The following ZAN variants were observed in gnomAD, a reference collection of about 807,000 sequenced individuals.
ZAN encodes zonadhesin (gene/pseudogene).
ZAN carries 260 observed loss-of-function variants against 286.2 expected under a neutral mutation model. The observed-to-expected ratio is 0.91, with a 90% CI of 0.82 to 1.01. ZAN has a LOEUF of 1.01. ZAN is among the 50% of genes least tolerant of loss of function. The pLI, the probability that ZAN is intolerant of heterozygous loss-of-function variation, is 0.00. For missense variants in ZAN, 3,410 were observed against 3,639.2 expected (o/e 0.94, Z 1.62); for synonymous variants, 1,368 against 1,417.5 (o/e 0.97, Z 0.79).
chr7:100,767,771 C>G (rs1810093448), intron 25 of ZAN, 60 bp from the exon 26 acceptor site: 1 of 1,556,042 alleles, frequency 6.4e-7, no homozygotes, highest in Non-Finnish European at 8.7e-7. Context: ...AGCCCCCGTC[C>G]TTGCCTTTAT....
At chr7:100,739,290 G>A (rs994361574) in intron 7 of ZAN, among the ~76,000 whole-genome samples, 1 of 136,662 alleles carries the variant, frequency 7.3e-6, no homozygotes, top group African/African-American at 2.7e-5. Flanking sequence ...GGATTACAGC[G>A]TGAGCCATTG....
At chr7:100,794,290 G>T (rs768803392) in intron 44 of ZAN, 32 bp downstream of exon 44, 2 of 1,563,384 alleles carry the variant, frequency 1.3e-6, no homozygotes, top group Non-Finnish European at 1.7e-6. Context: ...GTTCCAAGCT[G>T]CCCCATGCCC....
At chr7:100,742,748 C>T (rs1463050623) in intron 7 of ZAN, among the ~76,000 whole-genome samples, 1 of 61,602 alleles carries the variant, frequency 1.6e-5, no homozygotes, top group Non-Finnish European at 3.5e-5. Context: ...CGCAGGCACT[C>T]GGCAGGCTGA....
At chr7:100,797,335 C>T (rs368597138) in intron 45 of ZAN, 31 bp from the exon 46 acceptor site, 287 of 1,607,002 alleles carry the variant, frequency 1.8e-4, no homozygotes, top group Non-Finnish European at 2.2e-4. Context: ...GTCTCACGTT[C>T]GACCTAATGT....
intron 42 of ZAN, among the ~76,000 whole-genome samples, chr7:100,792,726 C>T (rs557916079): frequency 6.6e-6 from 1 of 152,218 alleles, no homozygotes; most frequent in East Asian, 1.9e-4. Context: ...TCTGCCCCTG[C>T]CTGGGAGCCT....
Position 100,794,116 on chromosome 7 carries a change from C to A in ZAN, c.7987-4C>A. ...CGTCTCCTCCTGGCCCTTCCCCTTT[C>A]TAGCTGGGCAGCAGCTTTCTGACTG... On this transcript the variant is annotated splice_polypyrimidine_tract_variant and splice_region_variant and intron_variant, in intron 43 of 47. Transcript: ENST00000613979. 1 of 1,614,022 alleles carries A rather than the reference C, an allele frequency of 6.2e-7. No homozygotes were observed. Among genetic ancestry groups the A allele is most frequent in the Non-Finnish European group, 8.5e-7 (1 of 1,179,878 alleles).
In ZAN at chr7:100,765,570, G is replaced by A. The variant is rs770359837; in HGVS notation, c.4470+16G>A. The A allele has an allele frequency of 3.2e-6, 5 of 1,583,808 alleles. No individual in the cohort carries two copies. The South Asian group carries it at 5.7e-5, about 18-fold the overall frequency. On this transcript the variant is annotated intron_variant, in intron 23 of 47. Coordinates refer to ENST00000613979, the MANE Select transcript of ZAN (RefSeq NM_003386.3). ...CTACTTCAAGGTGAGCGGCTGCGTG[G>A]ACCTCTCAGCCCTGCAGCTAGAAAG...
At position 100,765,362 on chromosome 7, in the gene ZAN, C is replaced by A; in HGVS notation, c.4278C>A (p.Cys1426Ter). The change falls in exon 23 of 48, where the codon TGC (cysteine) becomes TGA (stop). Residue 1426 changes from cysteine to a stop codon, truncating the protein, a stop_gained. Coordinates refer to ENST00000613979, the MANE Select transcript of ZAN (RefSeq NM_003386.3). LOFTEE classifies it high-confidence loss of function. ...WREPHFCPMA[C>*]PPNSKYSLCA... is the part of the protein sequence containing the mutation. Reference sequence around the variant, plus strand: ...TTCTCCCTCCACCAGCAATGGCCTGCCCGCCCAACAGCAAGTACTCCCTGT... The same window carrying A: ...TTCTCCCTCCACCAGCAATGGCCTGACCGCCCAACAGCAAGTACTCCCTGT... The A allele has an allele frequency of 6.2e-7, 1 of 1,613,768 alleles. No individual in the cohort carries two copies. Among genetic ancestry groups the A allele is most frequent in the Non-Finnish European group, 8.5e-7 (1 of 1,179,836 alleles).
rs1196213343 is a variant in ZAN, at chr7:100,786,115, A to G, written c.6953A>G (p.Asn2318Ser). 3 of 1,613,852 alleles carry G rather than the reference A, an allele frequency of 1.9e-6. No homozygotes were observed. Among genetic ancestry groups the G allele is most frequent in the Non-Finnish European group, 2.5e-6 (3 of 1,179,884 alleles). The change falls in exon 37 of 48, where the codon AAC becomes AGC. Residue 2318 changes from asparagine to serine, a missense_variant. By Grantham distance (46) the Asn-to-Ser change is conservative. Transcript: ENST00000613979. ...TCCCACTGCCAGCTCACTTCCGACA[A>G]CAGCAACAGCAATTGTGTCTCAGAC... ...SGSHCQLTSD[N>S]SNSNCVSDKS...
intron 7 of ZAN, among the ~76,000 whole-genome samples, chr7:100,744,017 T>G (rs1211024552): frequency 6.6e-6 from 1 of 151,010 alleles, no homozygotes; most frequent in Non-Finnish European, 1.5e-5. Flanking sequence ...ACGCCCAGCC[T>G]ATATCTCTTT....
intron 29 of ZAN, among the ~76,000 whole-genome samples, chr7:100,772,369 GC>G (rs1197090279): frequency 6.6e-6 from 1 of 151,306 alleles, no homozygotes; most frequent in Non-Finnish European, 1.5e-5. Flanking sequence ...GGCAGAGGTT[GC>G]AGTGAGCCGA....
At chr7:100,765,993 T>G (rs1286191649) in intron 23 of ZAN, among the ~76,000 whole-genome samples, 10 of 148,752 alleles carry the variant, frequency 6.7e-5, no homozygotes, top group East Asian at 2.0e-4. Flanking sequence ...TTTTGGTTTT[T>G]GTTTTTTTTT....
intron 27 of ZAN, among the ~76,000 whole-genome samples, chr7:100,769,397 T>C (rs1478943113): frequency 1.3e-5 from 2 of 151,792 alleles, no homozygotes; most frequent in Admixed American, 1.3e-4. Context: ...CACAGCCCCC[T>C]GTCCACTTTT....
At chr7:100,772,392 T>C (rs767504500) in intron 29 of ZAN, among the ~76,000 whole-genome samples, 76 of 151,222 alleles carry the variant, frequency 5.0e-4, no homozygotes, top group Admixed American at 6.6e-4. Flanking sequence ...ATCACACCAC[T>C]GCACTCCAGC....
chr7:100,752,473 C>G lies in ZAN; in HGVS notation c.2368C>G (p.Pro790Ala). The G allele has an allele frequency of 6.3e-7, 1 of 1,583,076 alleles. No homozygotes were observed. The highest frequency in any genetic ancestry group is 8.6e-7 in the Non-Finnish European group (1 of 1,163,516). Residue 790 changes from proline to alanine, a missense_variant, in exon 14 of 48, where the codon CCC becomes GCC. Transcript: ENST00000613979. ...CATCCCCACAGAAAAACCCACCATT[C>G]CCACAGAAAAACCCACCATCTCCAC... ...PTIPTEKPTI[P>A]TEKPTISTEE...
intron 26 of ZAN, 53 bp from the exon 27 acceptor site, chr7:100,768,557 C>T: frequency 6.8e-7 from 1 of 1,478,272 alleles, no homozygotes; most frequent in Non-Finnish European, 9.2e-7. Context: ...GGCCCTGGGG[C>T]CTGGCCTGCT....
At chr7:100,770,113 G>C in intron 28 of ZAN, 139 bp downstream of exon 28, 1 of 734,970 alleles carries the variant, frequency 1.4e-6, no homozygotes, top group Admixed American at 2.6e-5. Flanking sequence ...CACAGGGCCA[G>C]CCAGCAGTCA....
Position 100,762,168 on chromosome 7 carries a change from G to A in ZAN, c.3843-47G>A, listed in dbSNP as rs200476657. 6.9e-4 allele frequency: 1,109 copies of A among 1,608,188 alleles called. 3 individuals carry two copies. The South Asian group carries it at 7.5e-3, about 11-fold the overall frequency. Reference sequence around the variant, plus strand: ...TCTCTGCCACTGCCCCTCGAGGACCGAGGCTGCTTCTCTCCATTAACGCCA... The same window carrying A: ...TCTCTGCCACTGCCCCTCGAGGACCAAGGCTGCTTCTCTCCATTAACGCCA... On this transcript the variant is annotated intron_variant, in intron 19 of 47. Coordinates refer to ENST00000613979, the MANE Select transcript of ZAN (RefSeq NM_003386.3).
At chr7:100,740,033 TGA>T (rs1807627534) in intron 7 of ZAN, among the ~76,000 whole-genome samples, 1 of 140,230 alleles carries the variant, frequency 7.1e-6, no homozygotes, top group African/African-American at 2.6e-5. Flanking sequence ...TTGAAAAAGG[TGA>T]GGTAGTAGCA....
Sources: allele counts gnomAD v4.1 joint callset (sites outside exome capture counted in the v4.1 genomes callset), GRCh38; gene constraint gnomAD v4.1.1; transcripts MANE v1.5; gene names NCBI Gene and HGNC (gene_info 2026-07-23, HGNC 2026-07-21).